The following PAK5 variants were observed in gnomAD, a reference collection of about 807,000 sequenced individuals.
The protein encoded by PAK5 is p21 (RAC1) activated kinase 5.
PAK5 carries 16 observed loss-of-function variants against 65.9 expected under a neutral mutation model. The ratio of observed to expected loss-of-function variants is 0.24; its 90% confidence interval spans 0.16 to 0.37. The LOEUF (loss-of-function observed/expected upper bound fraction) is 0.37. Ranked by LOEUF, PAK5 falls within the 10% of genes least tolerant of loss-of-function variation. The pLI is 1.00. For missense variants in PAK5, 785 were observed against 903.9 expected, an observed-to-expected ratio of 0.87 and a Z score of 1.69; for synonymous variants, 371 against 354.9, an observed-to-expected ratio of 1.05 and a Z score of -0.51.
intron 1 of PAK5, among the ~76,000 whole-genome samples, chr20:9,793,380 C>T (rs1277218177): frequency 6.6e-6 from 1 of 151,980 alleles, no homozygotes; most frequent in Non-Finnish European, 1.5e-5. Flanking sequence ...GGCAGACTAC[C>T]TATACCAATA....
intron 4 of PAK5, among the ~76,000 whole-genome samples, chr20:9,573,794 TGAG>T (rs1192863496): frequency 6.6e-6 from 1 of 152,112 alleles, no homozygotes; most frequent in African/African-American, 2.4e-5. Flanking sequence ...ACCCACAGAA[TGAG>T]GACTCGGAAT....
At chr20:9,699,965 A>G (rs151326640) in intron 2 of PAK5, among the ~76,000 whole-genome samples, 2 of 152,326 alleles carry the variant, frequency 1.3e-5, no homozygotes, top group Non-Finnish European at 2.9e-5. Flanking sequence ...TTAACTCAGC[A>G]TATCAAACTA....
intron 1 of PAK5, among the ~76,000 whole-genome samples, chr20:9,835,755 A>T (rs1979098779): frequency 6.6e-6 from 1 of 152,168 alleles, no homozygotes. Flanking sequence ...TGATGGTTTT[A>T]AATGTGGAGG....
At chr20:9,552,799 G>A (rs191539825) in intron 7 of PAK5, among the ~76,000 whole-genome samples, 10 of 150,902 alleles carry the variant, frequency 6.6e-5, no homozygotes, top group Admixed American at 6.0e-4. Context: ...TTGGCTCACT[G>A]CAGCCTTAAA....
chr20:9,740,141 C>A (rs1350441639), intron 1 of PAK5, among the ~76,000 whole-genome samples: 2 of 152,168 alleles, frequency 1.3e-5, no homozygotes, highest in Non-Finnish European at 2.9e-5. Context: ...GGAGCCACTA[C>A]TGGACTTTAA....
At chr20:9,540,551 C>A (rs2045244873) in intron 9 of PAK5, among the ~76,000 whole-genome samples, 4 of 152,154 alleles carry the variant, frequency 2.6e-5, no homozygotes, top group Admixed American at 2.6e-4. Context: ...AAAGTTATAT[C>A]TTTTAAATTA....
intron 3 of PAK5, among the ~76,000 whole-genome samples, chr20:9,624,060 T>C (rs1038925470): frequency 6.6e-6 from 1 of 152,222 alleles, no homozygotes; most frequent in African/African-American, 2.4e-5. Context: ...GTATGTCTTG[T>C]AGTCAAGACA....
chr20:9,693,299 G>A (rs2047822908), intron 2 of PAK5, among the ~76,000 whole-genome samples: 2 of 152,100 alleles, frequency 1.3e-5, no homozygotes, highest in Admixed American at 6.6e-5. Flanking sequence ...CAGATGGCAA[G>A]GAGAAATGGC....
chr20:9,629,250 G>T (rs1030038552), intron 3 of PAK5, among the ~76,000 whole-genome samples: 1 of 152,140 alleles, frequency 6.6e-6, no homozygotes, highest in Non-Finnish European at 1.5e-5. Flanking sequence ...AATGTGTGTT[G>T]TTTTCAGCTG....
rs1395635543 is a variant in PAK5 at position 9,539,470 on chromosome 20, G to A, written c.2152C>T (p.His718Tyr). Residue 718 changes from histidine (H) to tyrosine (Y), a missense_variant, in exon 10 of 10, where the codon CAT becomes TAT. His to Tyr is a moderately conservative substitution (Grantham distance 83, BLOSUM62 2). Coordinates refer to ENST00000353224, the MANE Select transcript of PAK5 (RefSeq NM_177990.4). ...CIVPLMRQYRHH is the reference protein window; with the variant it reads ...CIVPLMRQYRYH ...CTACACGAATCCTCTGCTCAGTGAT[G>A]CCTGTATTGTCTCATGAGGGGGACG... The A allele has an allele frequency of 9.9e-6, 16 of 1,613,718 alleles. No homozygotes were observed. The highest frequency in any genetic ancestry group is 1.4e-5 in the Non-Finnish European group (16 of 1,179,798).
intron 7 of PAK5, among the ~76,000 whole-genome samples, chr20:9,556,772 A>G (rs1355793787): frequency 6.6e-6 from 1 of 152,218 alleles, no homozygotes; most frequent in Non-Finnish European, 1.5e-5. Context: ...GAGGTTTGCC[A>G]GTGTGATAAA....
chr20:9,645,186 G>A (rs1426487509), intron 2 of PAK5, among the ~76,000 whole-genome samples: 1 of 152,038 alleles, frequency 6.6e-6, no homozygotes, highest in South Asian at 2.1e-4. Context: ...AAGAAGGCAG[G>A]GAGGAAGACT....
At chr20:9,641,797 G>A (rs1180647335) in intron 3 of PAK5, among the ~76,000 whole-genome samples, 1 of 152,108 alleles carries the variant, frequency 6.6e-6, no homozygotes, top group African/African-American at 2.4e-5. Context: ...GCACTGCTGG[G>A]GGACTCAGTA....
At chr20:9,573,420 C>T (rs1262728625) in intron 4 of PAK5, among the ~76,000 whole-genome samples, 1 of 152,122 alleles carries the variant, frequency 6.6e-6, no homozygotes, top group African/African-American at 2.4e-5. Context: ...CAGAGCTACG[C>T]TGGGGTGGAC....
At chr20:9,809,599 G>T (rs1205285337) in intron 1 of PAK5, among the ~76,000 whole-genome samples, 1 of 152,090 alleles carries the variant, frequency 6.6e-6, no homozygotes, top group African/African-American at 2.4e-5. Flanking sequence ...GGAGCTCTTT[G>T]TGCTGTCATT....
At chr20:9,576,193 T>A (rs887094479) in intron 4 of PAK5, among the ~76,000 whole-genome samples, 2 of 152,206 alleles carry the variant, frequency 1.3e-5, no homozygotes. Flanking sequence ...ATCCTTATTT[T>A]GTACATAAAG....
At chr20:9,688,226 G>A (rs1016765458) in intron 2 of PAK5, among the ~76,000 whole-genome samples, 3 of 152,014 alleles carry the variant, frequency 2.0e-5, no homozygotes, top group African/African-American at 7.2e-5. Flanking sequence ...TTCCAAGCTA[G>A]ACTTCTTCTG....
At chr20:9,687,267 C>T (rs180787878) in intron 2 of PAK5, among the ~76,000 whole-genome samples, 60 of 152,282 alleles carry the variant, frequency 3.9e-4, no homozygotes, top group Admixed American at 3.3e-3. Flanking sequence ...ATCAAGTCTG[C>T]GTATTTTTCT....
intron 1 of PAK5, among the ~76,000 whole-genome samples, chr20:9,778,802 A>G (rs2048912287): frequency 6.6e-6 from 1 of 152,170 alleles, no homozygotes; most frequent in Non-Finnish European, 1.5e-5. Flanking sequence ...CTCAGTATAC[A>G]TGCATAGTTT....
Sources: gnomAD v4.1 joint callset for allele counts (sites outside exome capture counted in the v4.1 genomes callset) on GRCh38, gnomAD v4.1.1 for gene constraint, MANE v1.5 for transcripts, NCBI Gene and HGNC (gene_info 2026-07-23, HGNC 2026-07-21) for gene names.